Variants in SPHKAP observed in about 807,000 individuals in gnomAD.
SPHKAP encodes SPHK1 interactor, AKAP domain containing.
In SPHKAP, 67 loss-of-function variants were observed where a neutral mutation model predicts 137.5. The observed-to-expected ratio is 0.49, with a 90% CI of 0.40 to 0.60. The LOEUF (loss-of-function observed/expected upper bound fraction) is 0.60. SPHKAP is among the 20% of genes least tolerant of loss of function. The pLI, the probability that SPHKAP is intolerant of heterozygous loss-of-function variation, is 0.00. For missense variants in SPHKAP, 2,097 were observed against 2,069.3 expected, an observed-to-expected ratio of 1.01 and a Z score of -0.26; for synonymous variants, 813 against 785.3, an observed-to-expected ratio of 1.04 and a Z score of -0.59.
chr2:228,166,223 G>A (rs1386376587), intron 1 of SPHKAP, among the ~76,000 whole-genome samples: 1 of 152,094 alleles, frequency 6.6e-6, no homozygotes, highest in African/African-American at 2.4e-5. Context: ...ATTTTGAAGG[G>A]AAAATTATGA....
chr2:228,031,372 C>T (rs1360957237), intron 3 of SPHKAP, among the ~76,000 whole-genome samples: 3 of 152,326 alleles, frequency 2.0e-5, no homozygotes, highest in South Asian at 2.1e-4. Flanking sequence ...TGCCAGGAAG[C>T]TCGATCTGGG....
At chr2:228,082,733 A>G (rs569981384) in intron 3 of SPHKAP, among the ~76,000 whole-genome samples, 20 of 152,338 alleles carry the variant, frequency 1.3e-4, no homozygotes, top group African/African-American at 4.1e-4. Flanking sequence ...TACTAGCTGT[A>G]TGACTCAGTT....
intron 3 of SPHKAP, among the ~76,000 whole-genome samples, chr2:228,041,180 C>T (rs1212976802): frequency 6.6e-6 from 1 of 152,066 alleles, no homozygotes; most frequent in African/African-American, 2.4e-5. Context: ...TGTGACTATT[C>T]TCTGTTTTCC....
chr2:228,021,156 GGAAGAGCT>G (rs1422911328), intron 6 of SPHKAP, among the ~76,000 whole-genome samples: 2 of 152,184 alleles, frequency 1.3e-5, no homozygotes, highest in Non-Finnish European at 2.9e-5. Flanking sequence ...TGGGTCAACA[GGAAGAGCT>G]GAATAAATGG....
At chr2:227,990,529 T>G (rs1475824751) in intron 11 of SPHKAP, among the ~76,000 whole-genome samples, 2 of 152,148 alleles carry the variant, frequency 1.3e-5, no homozygotes, top group Non-Finnish European at 2.9e-5. Flanking sequence ...AGCTTTATAT[T>G]TCTGGTAGGT....
In SPHKAP at chr2:228,108,912, A is replaced by G; in HGVS notation, c.166T>C (p.Ser56Pro). 1 of 1,606,138 alleles carries G rather than the reference A, an allele frequency of 6.2e-7. No individual in the cohort carries two copies. The highest frequency in any genetic ancestry group is 8.5e-7 in the Non-Finnish European group (1 of 1,178,106). The change falls in exon 3 of 12, where the codon TCA (serine) becomes CCA (proline). Residue 56 changes from serine (S) to proline (P), a missense_variant. Physicochemically the swap from Ser to Pro is moderately conservative, Grantham distance 74. Transcript: ENST00000392056. ...KVLRSNSLLESTDYWLQNQRM... is the reference protein window; with the variant it reads ...KVLRSNSLLEPTDYWLQNQRM... ...TGATTCTGCAACCAGTAGTCTGTTG[A>G]CTCCAGCAGGCTATTGCTGCGAAGA...
chr2:228,177,294 C>A lies in SPHKAP; in HGVS notation c.32+4273G>T, dbSNP rs1490691622. On this transcript the variant is annotated intron_variant, in intron 1 of 11. Transcript: ENST00000392056. ...ACGTGGACTCTCAGAGTTTGAGGCA[C>A]CAGGACTTTCTAATTCCTAGTTCCT... 2.0e-5 allele frequency among the ~76,000 whole-genome samples: 3 copies of A among 151,924 alleles called. No homozygotes were observed. In the East Asian group the frequency reaches 5.8e-4, roughly 29 times the overall value.
intron 3 of SPHKAP, among the ~76,000 whole-genome samples, chr2:228,088,620 A>G (rs1186267705): frequency 6.6e-6 from 1 of 152,200 alleles, no homozygotes; most frequent in Non-Finnish European, 1.5e-5. Context: ...CCAATGTTGG[A>G]GAAGGAGCCT....
intron 2 of SPHKAP, among the ~76,000 whole-genome samples, chr2:228,114,305 A>G (rs1698635341): frequency 6.6e-6 from 1 of 152,152 alleles, no homozygotes; most frequent in African/African-American, 2.4e-5. Flanking sequence ...ATAGAGAACC[A>G]AGTTGAAGAA....
At chr2:228,114,206 T>A (rs1698630462) in intron 2 of SPHKAP, among the ~76,000 whole-genome samples, 1 of 152,166 alleles carries the variant, frequency 6.6e-6, no homozygotes, top group Non-Finnish European at 1.5e-5. Flanking sequence ...GAAATAATAA[T>A]GGCACATTTT....
In SPHKAP at chr2:228,172,958, T is replaced by A. The variant is rs559260067; in HGVS notation, c.32+8609A>T. 4.8e-6 allele frequency: 4 copies of A among 827,330 alleles called. No individual in the cohort carries two copies. The East Asian group carries it at 5.0e-4, about 103-fold the overall frequency. 51.2% of individuals were successfully genotyped at this position (827,330 alleles called of 1,614,324 possible). On this transcript the variant is annotated intron_variant, in intron 1 of 11. Coordinates refer to ENST00000392056, the MANE Select transcript of SPHKAP (RefSeq NM_001142644.2). ...ATATCAAGAAGAGCAAGTACAATCCTGCCCTATGCTTAGAAGTACAATTGG... is the reference window on the plus strand; with the variant it reads ...ATATCAAGAAGAGCAAGTACAATCCAGCCCTATGCTTAGAAGTACAATTGG...
intron 3 of SPHKAP, among the ~76,000 whole-genome samples, chr2:228,046,088 A>G (rs919565919): frequency 6.6e-6 from 1 of 152,132 alleles, no homozygotes; most frequent in African/African-American, 2.4e-5. Flanking sequence ...CTACACACAC[A>G]CACACATACG....
intron 1 of SPHKAP, among the ~76,000 whole-genome samples, chr2:228,154,782 A>G (rs1018167470): frequency 2.2e-5 from 3 of 137,788 alleles, no homozygotes; most frequent in Non-Finnish European, 4.6e-5. Flanking sequence ...GATGGTCTCT[A>G]TCTCCTGACC....
At chr2:228,090,515 A>T (rs544843373) in intron 3 of SPHKAP, among the ~76,000 whole-genome samples, 16 of 152,156 alleles carry the variant, frequency 1.1e-4, no homozygotes, top group African/African-American at 3.9e-4. Context: ...TGATGATTGC[A>T]TTTTTCAATG....
chr2:228,087,307 A>G (rs1480893060), intron 3 of SPHKAP, among the ~76,000 whole-genome samples: 1 of 151,676 alleles, frequency 6.6e-6, no homozygotes, highest in African/African-American at 2.4e-5. Context: ...CCTAGAGAGA[A>G]CGGAATGGAG....
intron 3 of SPHKAP, among the ~76,000 whole-genome samples, chr2:228,091,300 A>C (rs1009160078): frequency 6.6e-6 from 1 of 152,240 alleles, no homozygotes; most frequent in Non-Finnish European, 1.5e-5. Flanking sequence ...CTAAGACCTC[A>C]AACTATGAAA....
At chr2:228,043,978 TAGATAAA>T (rs1695941085) in intron 3 of SPHKAP, among the ~76,000 whole-genome samples, 2 of 152,174 alleles carry the variant, frequency 1.3e-5, no homozygotes, top group Admixed American at 1.3e-4. Flanking sequence ...TATTTTAGAA[TAGATAAA>T]AGATAATTTA....
chr2:228,059,308 GA>G (rs1307807980), intron 3 of SPHKAP, among the ~76,000 whole-genome samples: 2 of 152,170 alleles, frequency 1.3e-5, no homozygotes, highest in Non-Finnish European at 2.9e-5. Context: ...CAACTTCTAA[GA>G]AGTTACCAAA....
At chr2:228,008,209 T>C (rs1694215020) in intron 7 of SPHKAP, among the ~76,000 whole-genome samples, 1 of 152,156 alleles carries the variant, frequency 6.6e-6, no homozygotes, top group South Asian at 2.1e-4. Context: ...GCCTTTCTTT[T>C]ATAGATTGTG....
Sources: gnomAD v4.1 joint callset for allele counts (sites outside exome capture counted in the v4.1 genomes callset) on GRCh38, gnomAD v4.1.1 for gene constraint, MANE v1.5 for transcripts, NCBI Gene and HGNC (gene_info 2026-07-23, HGNC 2026-07-21) for gene names.